HS6ST3: variants seen among roughly 807,000 people sequenced by gnomAD.
HS6ST3 encodes the protein heparan-sulfate 6-O-sulfotransferase 3.
A neutral mutation model predicts 36.7 loss-of-function variants in HS6ST3; 12 were observed. The ratio of observed to expected loss-of-function variants is 0.33; its 90% CI spans 0.21 to 0.53. The LOEUF is 0.53. Ranked by LOEUF, HS6ST3 falls within the 20% of genes least tolerant of loss-of-function variation. The probability of loss-of-function intolerance (pLI) is 0.95; values close to 1 mark genes in which losing one functional copy is unlikely to be tolerated. For missense variants in HS6ST3, 584 were observed against 640.9 expected, an observed-to-expected ratio of 0.91 and a Z score of 0.96; for synonymous variants, 240 against 257.5, an observed-to-expected ratio of 0.93 and a Z score of 0.65.
At chr13:96,484,021 G>T (rs1484557616) in intron 1 of HS6ST3, among the ~76,000 whole-genome samples, 1 of 152,044 alleles carries the variant, frequency 6.6e-6, no homozygotes, top group Non-Finnish European at 1.5e-5. Flanking sequence ...TTCATGTATT[G>T]TCTTTGCTCC....
intron 1 of HS6ST3, among the ~76,000 whole-genome samples, chr13:96,292,915 G>T (rs928570945): frequency 6.6e-6 from 1 of 152,000 alleles, no homozygotes; most frequent in East Asian, 1.9e-4. Flanking sequence ...GCTTTTATAT[G>T]CTGTATTATC....
chr13:96,647,317 T>C (rs773041328), intron 1 of HS6ST3, among the ~76,000 whole-genome samples: 16 of 152,080 alleles, frequency 1.1e-4, no homozygotes, highest in Non-Finnish European at 1.9e-4. Context: ...AAAAAAGTGA[T>C]ATCACATGTC....
intron 1 of HS6ST3, among the ~76,000 whole-genome samples, chr13:96,782,359 ACTTTT>A (rs1877546433): frequency 6.6e-6 from 1 of 152,138 alleles, no homozygotes; most frequent in Admixed American, 6.5e-5. Context: ...AAGTAAGATA[ACTTTT>A]CTTTGTTCCT....
intron 1 of HS6ST3, among the ~76,000 whole-genome samples, chr13:96,129,676 C>T (rs572358696): frequency 6.6e-6 from 1 of 152,264 alleles, no homozygotes; most frequent in South Asian, 2.1e-4. Flanking sequence ...ATATGTTGTC[C>T]TCCTAATCCC....
At chr13:96,215,231 G>A (rs905957011) in intron 1 of HS6ST3, among the ~76,000 whole-genome samples, 1 of 152,170 alleles carries the variant, frequency 6.6e-6, no homozygotes, top group African/African-American at 2.4e-5. Context: ...CAATGTTCTC[G>A]AGGAAGCAGG....
intron 1 of HS6ST3, among the ~76,000 whole-genome samples, chr13:96,700,734 G>T (rs1032473432): frequency 6.6e-6 from 1 of 152,164 alleles, no homozygotes; most frequent in African/African-American, 2.4e-5. Context: ...AGGAGAAATA[G>T]AATTTAATTC....
chr13:96,157,227 T>C (rs2139326541), intron 1 of HS6ST3, among the ~76,000 whole-genome samples: 1 of 152,350 alleles, frequency 6.6e-6, no homozygotes, highest in African/African-American at 2.4e-5. Flanking sequence ...CTCTGGTTTC[T>C]CCAGTTTTCA....
At chr13:96,647,548 A>T (rs1171841503) in intron 1 of HS6ST3, among the ~76,000 whole-genome samples, 5 of 152,022 alleles carry the variant, frequency 3.3e-5, no homozygotes, top group African/African-American at 1.2e-4. Context: ...AAACAAACAA[A>T]ATTTTGTATT....
chr13:96,265,862 G>A (rs950315590), intron 1 of HS6ST3, among the ~76,000 whole-genome samples: 2 of 152,174 alleles, frequency 1.3e-5, no homozygotes, highest in Admixed American at 6.5e-5. Context: ...AACACTGGAG[G>A]TAGAATAAAA....
At chr13:96,632,964 G>T (rs2056536930) in intron 1 of HS6ST3, among the ~76,000 whole-genome samples, 1 of 152,200 alleles carries the variant, frequency 6.6e-6, no homozygotes, top group South Asian at 2.1e-4. Flanking sequence ...TCATTTATTT[G>T]TGTTTCTCCT....
chr13:96,545,441 T>C (rs1249823564), intron 1 of HS6ST3, among the ~76,000 whole-genome samples: 1 of 152,182 alleles, frequency 6.6e-6, no homozygotes, highest in Non-Finnish European at 1.5e-5. Flanking sequence ...CTAGGAAATA[T>C]TTTAGAGTTT....
chr13:96,344,159 TA>T (rs940424340), intron 1 of HS6ST3, among the ~76,000 whole-genome samples: 11 of 152,334 alleles, frequency 7.2e-5, no homozygotes, highest in African/African-American at 2.4e-4. Context: ...AATAAGCTCT[TA>T]AAAATGTTAA....
chr13:96,243,525 T>C (rs2054571099), intron 1 of HS6ST3, among the ~76,000 whole-genome samples: 1 of 152,176 alleles, frequency 6.6e-6, no homozygotes, highest in Non-Finnish European at 1.5e-5. Flanking sequence ...ACTGGATTGC[T>C]CTTTTTGGAA....
intron 1 of HS6ST3, among the ~76,000 whole-genome samples, chr13:96,606,199 A>G (rs1347198515): frequency 6.6e-6 from 1 of 152,192 alleles, no homozygotes; most frequent in Non-Finnish European, 1.5e-5. Flanking sequence ...CTACCATTGG[A>G]CCCAGCAATC....
chr13:96,193,289 A>G (rs1001821519), intron 1 of HS6ST3, among the ~76,000 whole-genome samples: 3 of 152,214 alleles, frequency 2.0e-5, no homozygotes, highest in African/African-American at 7.2e-5. Context: ...AGCCGAACGA[A>G]ATAGGAAGGA....
chr13:96,368,568 C>G (rs1292105808), intron 1 of HS6ST3, among the ~76,000 whole-genome samples: 1 of 151,304 alleles, frequency 6.6e-6, no homozygotes, highest in African/African-American at 2.4e-5. Flanking sequence ...AATTCAGTAT[C>G]TACAGCATAA....
chr13:96,256,951 A>G (rs117508190), intron 1 of HS6ST3, among the ~76,000 whole-genome samples: 23 of 152,270 alleles, frequency 1.5e-4, no homozygotes, highest in Middle Eastern at 3.4e-3. Context: ...TGGTCTCTCT[A>G]TTTGTGGTTG....
At chr13:96,205,524 CA>C (rs200882967) in intron 1 of HS6ST3, among the ~76,000 whole-genome samples, 2 of 151,056 alleles carry the variant, frequency 1.3e-5, no homozygotes, top group African/African-American at 2.4e-5. Flanking sequence ...GATACAACAA[CA>C]AAAAAAAACT....
rs931148763 is a variant in HS6ST3 at position 96,638,796 on chromosome 13, T to C, written c.708-193694T>C. On this transcript the variant is annotated intron_variant, in intron 1 of 1. Transcript: ENST00000376705. Reference sequence around the variant, plus strand: ...TCTTGGGTATGTCCTTATAGCAGGGTGAGAATAGATTAATAGATGGATAAT... The same window carrying C: ...TCTTGGGTATGTCCTTATAGCAGGGCGAGAATAGATTAATAGATGGATAAT... Among the ~76,000 whole-genome samples, 8 of 151,812 alleles carry C rather than the reference T, an allele frequency of 5.3e-5. 1 individual carries two copies. The South Asian group carries it at 1.7e-3, about 32-fold the overall frequency.
Sources: gnomAD v4.1 joint callset for allele counts (sites outside exome capture counted in the v4.1 genomes callset) on GRCh38, gnomAD v4.1.1 for gene constraint, MANE v1.5 for transcripts, NCBI Gene and HGNC (gene_info 2026-07-23, HGNC 2026-07-21) for gene names.